SNTG1: variants seen among roughly 807,000 people sequenced by gnomAD.
SNTG1 encodes the protein gamma-1-syntrophin.
Under a neutral mutation model 74.7 loss-of-function variants are expected in SNTG1, and 39 were observed. That is an observed-to-expected ratio of 0.52 (90% CI 0.40 to 0.68). The LOEUF (loss-of-function observed/expected upper bound fraction) is 0.68, where lower values mean the gene tolerates loss of function less well. SNTG1 is among the 30% of genes least tolerant of loss of function. The pLI is 0.00. For missense variants in SNTG1, 685 were observed against 609.5 expected, an observed-to-expected ratio of 1.12 and a Z score of -1.30; for synonymous variants, 254 against 217.1, an observed-to-expected ratio of 1.17 and a Z score of -1.49.
At position 50,707,050 on chromosome 8, in the gene SNTG1, C is replaced by T. The variant is rs562643659; in HGVS notation, c.1192-1836C>T. Among the ~76,000 whole-genome samples the T allele has an allele frequency of 1.4e-4, 22 of 151,866 alleles. No homozygotes were observed. In the South Asian group the frequency reaches 1.7e-3, roughly 12 times the overall value. On this transcript the variant is annotated intron_variant, in intron 16 of 18. Coordinates refer to ENST00000642720, the MANE Select transcript of SNTG1 (RefSeq NM_018967.5). The stretch of plus-strand genomic sequence containing the variant: ...TTCAATATTAAACATATTAACTATA[C>T]GCATGATATGCTATTAATATTATAA...
upstream of SNTG1, among the ~76,000 whole-genome samples, chr8:49,910,299 C>T (rs115846012): frequency 1.3e-5 from 2 of 152,180 alleles, no homozygotes; most frequent in Admixed American, 6.5e-5. Context: ...CCCGGACCCC[C>T]GTCCCCACCA....
intron 4 of SNTG1, among the ~76,000 whole-genome samples, chr8:50,426,318 C>A (rs926148882): frequency 2.0e-5 from 3 of 152,004 alleles, no homozygotes; most frequent in Non-Finnish European, 2.9e-5. Flanking sequence ...AATGAAGGGC[C>A]ACATATATTA....
intron 2 of SNTG1, among the ~76,000 whole-genome samples, chr8:50,234,740 C>T (rs1674404574): frequency 6.6e-6 from 1 of 151,966 alleles, no homozygotes; most frequent in South Asian, 2.1e-4. Flanking sequence ...TTATAAAAAC[C>T]CAACAAGATA....
At chr8:50,012,882 A>G (rs557662200) in intron 1 of SNTG1, among the ~76,000 whole-genome samples, 9 of 152,198 alleles carry the variant, frequency 5.9e-5, no homozygotes, top group South Asian at 4.1e-4. Context: ...ATCCTGGGGT[A>G]ACTAGGGAAA....
chr8:49,970,419 A>T (rs1811555763), intron 1 of SNTG1, among the ~76,000 whole-genome samples: 2 of 152,288 alleles, frequency 1.3e-5, no homozygotes, highest in Middle Eastern at 3.4e-3. Context: ...TAATTCATTC[A>T]ACATCTAGCA....
At chr8:50,481,237 C>G (rs1048517976) in intron 8 of SNTG1, among the ~76,000 whole-genome samples, 1 of 152,026 alleles carries the variant, frequency 6.6e-6, no homozygotes, top group Non-Finnish European at 1.5e-5. Context: ...AAAAATTAGC[C>G]GGGTATGGTG....
At chr8:50,479,560 C>T (rs2093723532) in intron 8 of SNTG1, among the ~76,000 whole-genome samples, 1 of 152,116 alleles carries the variant, frequency 6.6e-6, no homozygotes, top group Non-Finnish European at 1.5e-5. Context: ...CCTCATTTAG[C>T]TCCTCACCTA....
chr8:50,432,505 G>C (rs1313202322), intron 4 of SNTG1, among the ~76,000 whole-genome samples: 1 of 151,714 alleles, frequency 6.6e-6, no homozygotes, highest in African/African-American at 2.4e-5. Context: ...TAGGTCTTTT[G>C]GCTGTCCATC....
chr8:50,376,867 C>T (rs1338623079), intron 2 of SNTG1, among the ~76,000 whole-genome samples: 3 of 151,612 alleles, frequency 2.0e-5, no homozygotes, highest in Non-Finnish European at 4.4e-5. Context: ...GTCAGTTACA[C>T]ACTTTGATCA....
rs531964964 is a variant in SNTG1, at chr8:50,707,473, T to C, written c.1192-1413T>C. On this transcript the variant is annotated intron_variant, in intron 16 of 18. Transcript: ENST00000642720. The stretch of plus-strand genomic sequence containing the variant: ...CTTTAGTCTGCTTTTTTTAAAAAAA[T>C]GTAACTCTAAAAGAATAATTTTGCA... 7.2e-5 allele frequency among the ~76,000 whole-genome samples: 11 copies of C among 152,192 alleles called. No homozygotes were observed. The East Asian group carries it at 2.1e-3, about 29-fold the overall frequency.
At chr8:50,716,795 C>G (rs1417702700) in intron 17 of SNTG1, among the ~76,000 whole-genome samples, 1 of 151,170 alleles carries the variant, frequency 6.6e-6, no homozygotes, top group Non-Finnish European at 1.5e-5. Context: ...TGCAGTGGCG[C>G]GATCTCAGCT....
Position 50,763,168 on chromosome 8 carries a change from A to G in SNTG1, c.1395+11057A>G, listed in dbSNP as rs542026854. ...TGGAATATGACTGTCTGTCCTTCCA[A>G]TTTTGGGGACAGTGGTTTTCCCCAA... On this transcript the variant is annotated intron_variant, in intron 18 of 18. Transcript: ENST00000642720. 2.0e-5 allele frequency among the ~76,000 whole-genome samples: 3 copies of G among 151,980 alleles called. No homozygotes were observed. The South Asian group carries it at 6.2e-4, about 32-fold the overall frequency.
At chr8:50,092,775 A>G (rs917659642) in intron 1 of SNTG1, among the ~76,000 whole-genome samples, 3 of 152,126 alleles carry the variant, frequency 2.0e-5, no homozygotes, top group Non-Finnish European at 4.4e-5. Flanking sequence ...ACCATGTTAC[A>G]CTGACAAACA....
chr8:50,183,343 G>A (rs1279821132), intron 2 of SNTG1, among the ~76,000 whole-genome samples: 1 of 152,058 alleles, frequency 6.6e-6, no homozygotes, highest in Non-Finnish European at 1.5e-5. Context: ...AGCTATTTGT[G>A]CATTTGTCTG....
At chr8:50,102,333 G>T (rs1271582245) in intron 1 of SNTG1, among the ~76,000 whole-genome samples, 1 of 152,000 alleles carries the variant, frequency 6.6e-6, no homozygotes. Context: ...TTTTTCATGT[G>T]TTTTTTGGCT....
At chr8:50,219,167 A>G (rs2084937771) in intron 2 of SNTG1, among the ~76,000 whole-genome samples, 1 of 152,204 alleles carries the variant, frequency 6.6e-6, no homozygotes, top group Non-Finnish European at 1.5e-5. Context: ...ATTTCCAATG[A>G]CAGGCTGGTT....
chr8:50,167,281 T>TA (rs1164621958), intron 1 of SNTG1, among the ~76,000 whole-genome samples: 10 of 66,676 alleles, frequency 1.5e-4, no homozygotes, highest in Admixed American at 1.5e-3. Context: ...ATAATAATAA[T>TA]AAAAAAAGAA....
rs1315726240 is a variant in SNTG1 at position 50,595,102 on chromosome 8, A to T, written c.849+4185A>T. Among the ~76,000 whole-genome samples, 4 of 150,936 alleles carry T rather than the reference A, an allele frequency of 2.7e-5. No individual in the cohort carries two copies. In the East Asian group the frequency reaches 7.8e-4, roughly 30 times the overall value. ...TTAATGAAACTGACAATTGGTCTTTATTTTTGGGGAATGTCAAAAATCTAT... is the reference window on the plus strand; with the variant it reads ...TTAATGAAACTGACAATTGGTCTTTTTTTTTGGGGAATGTCAAAAATCTAT... On this transcript the variant is annotated intron_variant, in intron 13 of 18. Coordinates refer to ENST00000642720, the MANE Select transcript of SNTG1 (RefSeq NM_018967.5).
At chr8:50,273,158 G>T (rs1384197967) in intron 2 of SNTG1, among the ~76,000 whole-genome samples, 1 of 152,122 alleles carries the variant, frequency 6.6e-6, no homozygotes, top group Non-Finnish European at 1.5e-5. Context: ...CTGATGTTTA[G>T]AACAGTTTTA....
Sources: gnomAD v4.1 joint callset for allele counts (sites outside exome capture counted in the v4.1 genomes callset) on GRCh38, gnomAD v4.1.1 for gene constraint, MANE v1.5 for transcripts, NCBI Gene and HGNC (gene_info 2026-07-23, HGNC 2026-07-21) for gene names.